ADAMTSL1: variants seen among roughly 807,000 people sequenced by gnomAD.
ADAMTSL1 encodes the protein ADAMTS like 1, also known as ADAMTS-like protein 1.
ADAMTSL1 carries 126 observed loss-of-function variants against 201.8 expected under a neutral mutation model. The observed-to-expected ratio is 0.62, with a 90% CI of 0.54 to 0.72. The LOEUF is 0.72. Among genes scored for constraint, ADAMTSL1 ranks in the 30% least tolerant of loss-of-function variants. The probability of loss-of-function intolerance (pLI) is 0.00; values close to 1 mark genes in which losing one functional copy is unlikely to be tolerated. For synonymous variants in ADAMTSL1, 1,121 were observed against 903.4 expected (o/e 1.24, Z -4.32); for missense variants, 2,679 against 2,277.8 (o/e 1.18, Z -3.59).
At chr9:18,022,854 C>A (rs189202864) in intron 1 of ADAMTSL1, among the ~76,000 whole-genome samples, 5 of 152,084 alleles carry the variant, frequency 3.3e-5, no homozygotes, top group African/African-American at 4.8e-5. Flanking sequence ...ATTTTGGTTC[C>A]GGAATAACCA....
intron 2 of ADAMTSL1, among the ~76,000 whole-genome samples, chr9:18,279,452 G>T (rs1370325324): frequency 6.6e-6 from 1 of 150,912 alleles, no homozygotes; most frequent in Non-Finnish European, 1.5e-5. Flanking sequence ...TCACTTTGGT[G>T]GGGTCATGTT....
At chr9:18,604,583 A>G (rs1341781680) in intron 4 of ADAMTSL1, among the ~76,000 whole-genome samples, 1 of 152,190 alleles carries the variant, frequency 6.6e-6, no homozygotes, top group African/African-American at 2.4e-5. Context: ...TGTCATAGCA[A>G]GTCATAATTA....
At chr9:18,529,925 T>C (rs1404217209) in intron 2 of ADAMTSL1, among the ~76,000 whole-genome samples, 1 of 152,222 alleles carries the variant, frequency 6.6e-6, no homozygotes, top group African/African-American at 2.4e-5. Flanking sequence ...TGCTTTTGTT[T>C]TGTTTTGCTT....
chr9:18,846,918 C>T (rs1363081597), intron 23 of ADAMTSL1, among the ~76,000 whole-genome samples: 1 of 152,130 alleles, frequency 6.6e-6, no homozygotes, highest in Non-Finnish European at 1.5e-5. Flanking sequence ...TCTCATGTAC[C>T]TCCTAGTGGT....
intron 1 of ADAMTSL1, among the ~76,000 whole-genome samples, chr9:18,056,052 C>A (rs191203696): frequency 6.6e-6 from 1 of 152,196 alleles, no homozygotes; most frequent in East Asian, 1.9e-4. Flanking sequence ...ATCTGCTGTA[C>A]AGGTCATGAA....
At chr9:18,231,010 C>T (rs1183607620) in intron 2 of ADAMTSL1, among the ~76,000 whole-genome samples, 2 of 152,124 alleles carry the variant, frequency 1.3e-5, no homozygotes, top group African/African-American at 4.8e-5. Context: ...GCTTAATGCA[C>T]CACTTCCTTT....
intron 1 of ADAMTSL1, among the ~76,000 whole-genome samples, chr9:18,491,857 T>C (rs115355924): frequency 0.022 from 3,275 of 152,240 alleles, 89 homozygotes; most frequent in South Asian, 0.082. Flanking sequence ...CAGATAATGA[T>C]GACAAATTAT....
chr9:18,807,020 G>A (rs1346471372), intron 20 of ADAMTSL1, among the ~76,000 whole-genome samples: 1 of 152,194 alleles, frequency 6.6e-6, no homozygotes, highest in East Asian at 1.9e-4. Context: ...GCTGTACTGT[G>A]GGTACAATGA....
At chr9:18,555,289 T>C (rs377099136) in intron 3 of ADAMTSL1, among the ~76,000 whole-genome samples, 28 of 152,072 alleles carry the variant, frequency 1.8e-4, no homozygotes, top group African/African-American at 6.3e-4. Context: ...CCTTTTAGAA[T>C]CGACTTCCAT....
intron 1 of ADAMTSL1, among the ~76,000 whole-genome samples, chr9:17,936,226 T>C (rs1827003837): frequency 6.6e-6 from 1 of 152,216 alleles, no homozygotes; most frequent in African/African-American, 2.4e-5. Context: ...TACAGACTTA[T>C]TATGTATCTC....
chr9:18,476,091 T>C (rs1166402360), intron 1 of ADAMTSL1, among the ~76,000 whole-genome samples: 1 of 152,148 alleles, frequency 6.6e-6, no homozygotes, highest in Non-Finnish European at 1.5e-5. Context: ...GTTTGTTTTA[T>C]GCCTGCATTT....
At chr9:18,195,304 A>G (rs1204005049) in intron 2 of ADAMTSL1, among the ~76,000 whole-genome samples, 4 of 152,074 alleles carry the variant, frequency 2.6e-5, no homozygotes, top group South Asian at 2.1e-4. Flanking sequence ...GTATCCTCCA[A>G]TGCTTTTGGT....
intron 2 of ADAMTSL1, among the ~76,000 whole-genome samples, chr9:18,530,516 G>T (rs1288466378): frequency 6.6e-6 from 1 of 152,052 alleles, no homozygotes; most frequent in Non-Finnish European, 1.5e-5. Flanking sequence ...CTCACCTACT[G>T]CAATTCCCCA....
chr9:18,890,518 A>C (rs1166871333), intron 25 of ADAMTSL1: 3 of 455,930 alleles, frequency 6.6e-6, no homozygotes, highest in Non-Finnish European at 1.3e-5. Flanking sequence ...TAGGACTTTC[A>C]TACAATACTT....
intron 3 of ADAMTSL1, among the ~76,000 whole-genome samples, chr9:18,559,056 G>A (rs535350710): frequency 6.6e-6 from 1 of 152,152 alleles, no homozygotes; most frequent in African/African-American, 2.4e-5. Flanking sequence ...CATTGGTTTT[G>A]GTGTTTTAGT....
chr9:18,547,633 T>TAAAAAAAAAAAAAAAAA (rs56789652), intron 3 of ADAMTSL1, among the ~76,000 whole-genome samples: 1 of 86,268 alleles, frequency 1.2e-5, no homozygotes, highest in African/African-American at 5.2e-5. Flanking sequence ...TATATATATA[T>TAAAAAAAAAAAAAAAAA]AAAAAAAAAA....
intron 19 of ADAMTSL1, among the ~76,000 whole-genome samples, chr9:18,787,343 A>G (rs1821765873): frequency 6.6e-6 from 1 of 152,316 alleles, no homozygotes. Flanking sequence ...TGAATCATGC[A>G]GGTGAAGAGC....
intron 1 of ADAMTSL1, among the ~76,000 whole-genome samples, chr9:18,037,951 G>GACTGT (rs1821271266): frequency 6.6e-6 from 1 of 151,736 alleles, no homozygotes; most frequent in Non-Finnish European, 1.5e-5. Flanking sequence ...GTCTGGTCTG[G>GACTGT]TCTGGCATAT....
chr9:18,633,365 G>A (rs911407915), intron 5 of ADAMTSL1, among the ~76,000 whole-genome samples: 8 of 152,064 alleles, frequency 5.3e-5, no homozygotes, highest in Admixed American at 2.0e-4. Flanking sequence ...GCCGAGGTGG[G>A]TGGATCACAA....
Sources: gnomAD v4.1 joint callset for allele counts (sites outside exome capture counted in the v4.1 genomes callset) on GRCh38, gnomAD v4.1.1 for gene constraint, MANE v1.5 for transcripts, NCBI Gene and HGNC (gene_info 2026-07-23, HGNC 2026-07-21) for gene names.